The following AFDN variants were observed in gnomAD, a reference collection of about 807,000 sequenced individuals.
The protein encoded by AFDN is afadin.
In AFDN, 68 loss-of-function variants were observed where a neutral mutation model predicts 216.6. That is an observed-to-expected ratio of 0.31 (90% confidence interval 0.26 to 0.38). The LOEUF (loss-of-function observed/expected upper bound fraction) is 0.38, where lower values mean the gene tolerates loss of function less well. AFDN is among the 10% of genes least tolerant of loss of function. The pLI, the probability that AFDN is intolerant of heterozygous loss-of-function variation, is 1.00. For missense variants in AFDN, 2,136 were observed against 2,342.0 expected (o/e 0.91, Z 1.82); for synonymous variants, 868 against 853.7 (o/e 1.02, Z -0.29).
intron 12 of AFDN, among the ~76,000 whole-genome samples, chr6:167,903,965 A>T (rs1192486767): frequency 6.6e-6 from 1 of 151,870 alleles, no homozygotes; most frequent in Non-Finnish European, 1.5e-5. Context: ...AGGGTATATT[A>T]CCCTCCTATA....
intron 21 of AFDN, among the ~76,000 whole-genome samples, chr6:167,921,980 ACTC>A (rs1791877374): frequency 1.3e-5 from 2 of 151,730 alleles, no homozygotes; most frequent in East Asian, 1.9e-4. Context: ...GCCAGGGAAA[ACTC>A]CTCACCAGTC....
intron 30 of AFDN, among the ~76,000 whole-genome samples, chr6:167,955,258 C>G (rs1796379689): frequency 6.6e-6 from 1 of 151,248 alleles, no homozygotes; most frequent in Non-Finnish European, 1.5e-5. Context: ...CAAGGTTTGA[C>G]TTTAGTGGCC....
chr6:167,900,274 A>T (rs1479551889), intron 11 of AFDN, among the ~76,000 whole-genome samples: 1 of 152,196 alleles, frequency 6.6e-6, no homozygotes, highest in Non-Finnish European at 1.5e-5. Context: ...ATACCCTCCA[A>T]TGCAGATTTC....
chr6:167,867,723 G>A (rs150684701), intron 2 of AFDN, among the ~76,000 whole-genome samples: 7 of 152,172 alleles, frequency 4.6e-5, no homozygotes, highest in African/African-American at 1.2e-4. Flanking sequence ...GAGCCACCGC[G>A]CCCGGTTACA....
At chr6:167,943,611 A>C in intron 25 of AFDN, 136 bp downstream of exon 25, 2 of 648,778 alleles carry the variant, frequency 3.1e-6, no homozygotes, top group South Asian at 2.2e-5. Flanking sequence ...TGTACGTGAC[A>C]TTTCACTTGT....
At chr6:167,866,797 G>A (rs1784237602) in intron 2 of AFDN, among the ~76,000 whole-genome samples, 1 of 152,192 alleles carries the variant, frequency 6.6e-6, no homozygotes, top group African/African-American at 2.4e-5. Flanking sequence ...GCAGCCACCC[G>A]AACCAGTTCT....
At position 167,913,435 on chromosome 6, in the gene AFDN, G is replaced by A; in HGVS notation, c.2058+12G>A. 6.5e-7 allele frequency: 1 copy of A among 1,535,812 alleles called. No homozygotes were observed. On this transcript the variant is annotated intron_variant, in intron 16 of 33. Transcript: ENST00000683244. ...ACCAGGTTGACCAGGTAGGACATCTGCTGGGAGCTGATCCTAGCTGTGTTG... is the reference window on the plus strand; with the variant it reads ...ACCAGGTTGACCAGGTAGGACATCTACTGGGAGCTGATCCTAGCTGTGTTG...
chr6:167,907,109 G>T, intron 12 of AFDN, 62 bp from the exon 13 acceptor site: 1 of 1,238,602 alleles, frequency 8.1e-7, no homozygotes, highest in Non-Finnish European at 1.2e-6. Flanking sequence ...TTGCAACGCT[G>T]AGTGTCAAGC....
chr6:167,959,271 TTAC>T (rs1344896282), intron 30 of AFDN, among the ~76,000 whole-genome samples: 1 of 152,224 alleles, frequency 6.6e-6, no homozygotes, highest in Non-Finnish European at 1.5e-5. Flanking sequence ...GAGCTAGCAC[TTAC>T]TGAGGACCAG....
intron 14 of AFDN, 40 bp from the exon 15 acceptor site, chr6:167,911,244 C>A (rs373593819): frequency 6.9e-6 from 11 of 1,602,386 alleles, no homozygotes; most frequent in African/African-American, 1.3e-5. Flanking sequence ...CGTTTTTATT[C>A]TTTTTTCCTT....
intron 23 of AFDN, among the ~76,000 whole-genome samples, chr6:167,925,814 G>A (rs1277996874): frequency 6.6e-6 from 1 of 152,176 alleles, no homozygotes; most frequent in African/African-American, 2.4e-5. Context: ...TGCTTAGAAT[G>A]AATTTTAGCT....
At chr6:167,868,762 C>CTTTTTT (rs35300672) in intron 2 of AFDN, among the ~76,000 whole-genome samples, 2 of 122,558 alleles carry the variant, frequency 1.6e-5, no homozygotes, top group Non-Finnish European at 3.3e-5. Flanking sequence ...ATTGTGCAAT[C>CTTTTTT]TTTTTTTTTT....
intron 16 of AFDN, chr6:167,913,694 T>G (rs1790691234): frequency 2.0e-6 from 1 of 508,882 alleles, no homozygotes. Flanking sequence ...ATTCTTTGGA[T>G]CTCATCTGAG....
chr6:167,834,457 GTTTTTTT>G lies in AFDN; in HGVS notation c.105+7236_105+7242del, dbSNP rs11446838. 1.1e-3 allele frequency among the ~76,000 whole-genome samples: 85 copies of G among 75,252 alleles called. 1 individual carries two copies. Among genetic ancestry groups the G allele is most frequent in the Admixed American group, 6.1e-3 (31 of 5,060 alleles). 49.4% of individuals were successfully genotyped at this position (75,252 alleles called of 152,430 possible). On this transcript the variant is annotated intron_variant, in intron 1 of 33. Transcript: ENST00000683244. ...GATTTTTGTTGTTGTTGTTGTTTCG[GTTTTTTT>G]TTTTTTTTTTTTTTTCGAAAGGTAT... is the stretch of plus-strand genomic sequence containing the variant.
intron 6 of AFDN, among the ~76,000 whole-genome samples, chr6:167,885,568 A>G (rs1364645186): frequency 6.6e-6 from 1 of 152,262 alleles, no homozygotes; most frequent in Non-Finnish European, 1.5e-5. Context: ...GCCATCTTAT[A>G]TGGGTGCAGT....
intron 6 of AFDN, among the ~76,000 whole-genome samples, chr6:167,881,779 A>C (rs1786145627): frequency 6.6e-6 from 1 of 152,196 alleles, no homozygotes; most frequent in Admixed American, 6.5e-5. Flanking sequence ...TTCACTGAAA[A>C]CAGGAGGATG....
chr6:167,878,401 C>T (rs1785659219), intron 5 of AFDN, among the ~76,000 whole-genome samples: 1 of 152,046 alleles, frequency 6.6e-6, no homozygotes, highest in Non-Finnish European at 1.5e-5. Flanking sequence ...AGGAGTGTGC[C>T]TTCTGGTGTC....
At chr6:167,888,455 T>A (rs1352371604) in intron 6 of AFDN, among the ~76,000 whole-genome samples, 2 of 152,198 alleles carry the variant, frequency 1.3e-5, no homozygotes, top group Non-Finnish European at 2.9e-5. Flanking sequence ...TGGTTCATGT[T>A]AGCAGTGTGT....
intron 23 of AFDN, among the ~76,000 whole-genome samples, chr6:167,933,456 CTT>C (rs1204230425): frequency 1.3e-5 from 2 of 152,186 alleles, no homozygotes; most frequent in African/African-American, 4.8e-5. Flanking sequence ...GAGACCTTCT[CTT>C]GTGTTCTTTA....
Sources: gnomAD v4.1 joint callset for allele counts (sites outside exome capture counted in the v4.1 genomes callset) on GRCh38, gnomAD v4.1.1 for gene constraint, MANE v1.5 for transcripts, NCBI Gene and HGNC (gene_info 2026-07-23, HGNC 2026-07-21) for gene names.